Variants in IFT27 observed in about 807,000 individuals in gnomAD.
IFT27 encodes the protein intraflagellar transport protein 27 homolog.
IFT27 carries 19 observed loss-of-function variants against 23.9 expected under a neutral mutation model. The observed-to-expected ratio is 0.79, with a 90% CI of 0.55 to 1.16. The LOEUF (loss-of-function observed/expected upper bound fraction) is 1.16, where lower values mean the gene tolerates loss of function less well. IFT27 is among the 50% of genes most tolerant of loss of function. The pLI, the probability that IFT27 is intolerant of heterozygous loss-of-function variation, is 0.00. For missense variants in IFT27, 206 were observed against 228.7 expected (o/e 0.90, Z 0.64); for synonymous variants, 91 against 89.1 (o/e 1.02, Z -0.12).
At chr22:36,771,766 C>T (rs978982337) in intron 1 of IFT27, among the ~76,000 whole-genome samples, 4 of 152,200 alleles carry the variant, frequency 2.6e-5, no homozygotes, top group African/African-American at 9.7e-5. Context: ...TCTGTCTTCC[C>T]GACTGTGCCT....
At chr22:36,758,500 C>G (rs1937992793) in intron 6 of IFT27, 91 bp from the exon 7 acceptor site, 3 of 937,592 alleles carry the variant, frequency 3.2e-6, no homozygotes, top group Non-Finnish European at 5.2e-6. Flanking sequence ...CGGGGGCTAC[C>G]TACTTTCCAC....
intron 1 of IFT27, among the ~76,000 whole-genome samples, chr22:36,770,510 C>A (rs1316026756): frequency 6.6e-6 from 1 of 152,310 alleles, no homozygotes; most frequent in East Asian, 1.9e-4. Flanking sequence ...ATCCAAAAAC[C>A]CGTGTGCGTT....
intron 1 of IFT27, among the ~76,000 whole-genome samples, chr22:36,775,265 A>AT (rs397786842): frequency 2.0e-5 from 3 of 150,570 alleles, no homozygotes; most frequent in Non-Finnish European, 4.4e-5. Context: ...CGGGGGAAAA[A>AT]TCCCATAGTA....
At chr22:36,767,175 T>C in intron 3 of IFT27, 131 bp downstream of exon 3, 1 of 667,156 alleles carries the variant, frequency 1.5e-6, no homozygotes, top group South Asian at 1.8e-5. Flanking sequence ...CCCGATTCTA[T>C]TCCGAAATGC....
intron 1 of IFT27, among the ~76,000 whole-genome samples, chr22:36,775,026 T>A (rs745820736): frequency 3.9e-5 from 6 of 152,222 alleles, no homozygotes; most frequent in Non-Finnish European, 5.9e-5. Flanking sequence ...CACATATTCA[T>A]CCATTCTAAA....
intron 4 of IFT27, 136 bp from the exon 5 acceptor site, chr22:36,764,172 G>T: frequency 1.5e-6 from 1 of 685,472 alleles, no homozygotes; most frequent in East Asian, 2.5e-5. Context: ...CACACCCCCA[G>T]ATGTCCAACA....
chr22:36,769,792 G>A (rs183521104), intron 1 of IFT27, among the ~76,000 whole-genome samples: 118 of 152,208 alleles, frequency 7.8e-4, no homozygotes, highest in Non-Finnish European at 1.0e-4. Flanking sequence ...GACTGCACCC[G>A]CCCTCCCAAC....
chr22:36,773,139 C>G (rs1308794126), intron 1 of IFT27, among the ~76,000 whole-genome samples: 3 of 151,922 alleles, frequency 2.0e-5, no homozygotes, highest in African/African-American at 4.8e-5. Context: ...GCAGGTGGAT[C>G]ACTTGAGGTC....
intron 1 of IFT27, chr22:36,768,105 C>G (rs1399743967): frequency 3.1e-6 from 2 of 635,112 alleles, no homozygotes; most frequent in Non-Finnish European, 6.0e-6. Context: ...AGGAACTGAC[C>G]CAGAAGGTAA....
chr22:36,762,967 C>T lies in IFT27; in HGVS notation c.399G>A (p.Val133=), dbSNP rs1938136360. 1.2e-6 allele frequency: 2 copies of T among 1,606,652 alleles called. No homozygotes were observed. The highest frequency in any genetic ancestry group is 2.2e-5 in the South Asian group (2 of 89,312). ...CCCATGCCCGGGCCTCAGCTGAGTC[C>T]ACTGCTCGTCTGCCGGCCAGGTCTG... ...NKTDLAGRRA[V]DSAEARAWAL... is the part of the protein sequence containing the mutation. The change falls in exon 6 of 7, where the codon GTG becomes GTA. Residue 133 remains valine (V), a synonymous_variant. Transcript: ENST00000433985.
intron 3 of IFT27, 54 bp downstream of exon 3, chr22:36,767,252 C>T: frequency 6.9e-7 from 1 of 1,458,556 alleles, no homozygotes; most frequent in Non-Finnish European, 9.6e-7. Context: ...ACCACAGAGA[C>T]CCTGGGCCCA....
In IFT27 at chr22:36,769,249, C is replaced by A. The variant is rs550543845; in HGVS notation, c.35-1387G>T. ...CCCCGCCAAGGTATCATTCACCTTACCTGACAGATGAAGAGACTGAGGCTC... is the reference window on the plus strand; with the variant it reads ...CCCCGCCAAGGTATCATTCACCTTAACTGACAGATGAAGAGACTGAGGCTC... On this transcript the variant is annotated intron_variant, in intron 1 of 6. Coordinates refer to ENST00000433985, the MANE Select transcript of IFT27 (RefSeq NM_001177701.3). Among the ~76,000 whole-genome samples, 28 of 152,318 alleles carry A rather than the reference C, an allele frequency of 1.8e-4. No individual in the cohort carries two copies. In the South Asian group the frequency reaches 5.4e-3, roughly 29 times the overall value.
At chr22:36,761,136 C>CCCA (rs1395903667) in intron 6 of IFT27, 1 of 152,362 alleles carries the variant, frequency 6.6e-6, no homozygotes, top group African/African-American at 2.4e-5. Context: ...TTCACACCCA[C>CCCA]CCACCCACTT....
intron 3 of IFT27, among the ~76,000 whole-genome samples, chr22:36,766,752 G>C (rs540048849): frequency 1.1e-3 from 171 of 152,110 alleles, no homozygotes; most frequent in South Asian, 6.4e-3. Flanking sequence ...AGAACCCCCA[G>C]GGCTGGTCCC....
chr22:36,760,814 TC>T, intron 6 of IFT27: 1 of 167,248 alleles, frequency 6.0e-6, no homozygotes, highest in East Asian at 1.9e-4. Flanking sequence ...TAGGCCCTCA[TC>T]AAACGTTACT....
chr22:36,767,844 T>C lies in IFT27; in HGVS notation c.53A>G (p.Lys18Arg), dbSNP rs1224660145. 9 of 1,614,066 alleles carry C rather than the reference T, an allele frequency of 5.6e-6. No homozygotes were observed. The highest frequency in any genetic ancestry group is 1.1e-5 in the South Asian group (1 of 91,086). ...CILAGDPAVG[K>R]TALAQIFRSD... ...GCGGAAGATCTGTGCCAGGGCGGTC[T>C]TGCCCACTGCTGGGTCTCCTGTGAG... The change falls in exon 2 of 7, where the codon AAG (lysine) becomes AGG (arginine). Residue 18 changes from lysine (K) to arginine (R), a missense_variant. Coordinates refer to ENST00000433985, the MANE Select transcript of IFT27 (RefSeq NM_001177701.3).
chr22:36,760,877 G>C (rs1938072211), intron 6 of IFT27: 1 of 167,132 alleles, frequency 6.0e-6, no homozygotes, highest in South Asian at 2.1e-4. Flanking sequence ...GATTGTTCTT[G>C]CACTTGTTTG....
In IFT27 at chr22:36,758,257, G is replaced by C; in HGVS notation, c.*54C>G. 7.6e-7 allele frequency: 1 copy of C among 1,313,700 alleles called. No homozygotes were observed. Among genetic ancestry groups the C allele is most frequent in the Non-Finnish European group, 1.1e-6 (1 of 907,296 alleles). The allele number at this position is 1,313,700 out of a possible 1,614,324, so 81.4% of individuals were successfully genotyped here. ...TTAAAGCCATCATTATATATTAAAA[G>C]AGCAGAGGTAATTCTGTCTTCTCCG... On this transcript the variant is annotated 3_prime_UTR_variant, in exon 7 of 7. Coordinates refer to ENST00000433985, the MANE Select transcript of IFT27 (RefSeq NM_001177701.3).
chr22:36,772,796 A>T, intron 1 of IFT27: 1 of 985,040 alleles, frequency 1.0e-6, no homozygotes, highest in Non-Finnish European at 1.2e-6. Context: ...AAAACAGAGT[A>T]ACTCAGTTTA....
Sources: allele counts gnomAD v4.1 joint callset (sites outside exome capture counted in the v4.1 genomes callset), GRCh38; gene constraint gnomAD v4.1.1; transcripts MANE v1.5; gene names NCBI Gene and HGNC (gene_info 2026-07-23, HGNC 2026-07-21).